SBDS: variants seen among roughly 807,000 people sequenced by gnomAD.
SBDS encodes the protein ribosome maturation protein SBDS.
A neutral mutation model predicts 26.4 loss-of-function variants in SBDS; 20 were observed. That is an observed-to-expected ratio of 0.76 (90% confidence interval 0.53 to 1.10). The LOEUF is 1.10. SBDS is among the 50% of genes least tolerant of loss of function. The pLI, the probability that SBDS is intolerant of heterozygous loss-of-function variation, is 0.00. For synonymous variants in SBDS, 95 were observed against 105.1 expected (o/e 0.90, Z 0.59); for missense variants, 241 against 302.0 (o/e 0.80, Z 1.50).
At chr7:66,989,391 C>CAA (rs1436091395) in intron 4 of SBDS, among the ~76,000 whole-genome samples, 1 of 150,832 alleles carries the variant, frequency 6.6e-6, no homozygotes, top group Non-Finnish European at 1.5e-5. Context: ...ACTAAAAATA[C>CAA]AAAATTAGCT....
intron 3 of SBDS, 33 bp from the exon 4 acceptor site, chr7:66,991,334 C>T (rs751627056): frequency 1.3e-6 from 2 of 1,539,342 alleles, no homozygotes; most frequent in South Asian, 1.1e-5. Flanking sequence ...GCAATTTCTT[C>T]TACTATATTA....
intron 4 of SBDS, 196 bp downstream of exon 4, chr7:66,990,941 C>T (rs111406263): frequency 1.1e-4 from 51 of 476,258 alleles, no homozygotes; most frequent in African/African-American, 5.6e-4. Context: ...GGCGTGTACC[C>T]GGGAGGCGGA....
At chr7:66,994,528 G>C (rs190822487) in intron 1 of SBDS, among the ~76,000 whole-genome samples, 187 bp from the exon 2 acceptor site, 1 of 149,294 alleles carries the variant, frequency 6.7e-6, no homozygotes, top group African/African-American at 2.4e-5. Flanking sequence ...GAATTTCACT[G>C]TTTTTGCCCA....
At chr7:66,988,602 CTAA>C (rs1427543488) in intron 4 of SBDS, 103 bp from the exon 5 acceptor site, 10 of 1,316,660 alleles carry the variant, frequency 7.6e-6, no homozygotes, top group South Asian at 3.6e-5. Flanking sequence ...GTCCAGATCT[CTAA>C]TAATACCACA....
intron 4 of SBDS, among the ~76,000 whole-genome samples, chr7:66,989,658 C>A (rs1562954078): frequency 6.6e-6 from 1 of 151,756 alleles, no homozygotes; most frequent in Admixed American, 6.6e-5. Context: ...GTCATAAGGA[C>A]ATAATGGTTT....
chr7:66,993,251 T>C lies in SBDS; in HGVS notation c.425A>G (p.Tyr142Cys). The change falls in exon 3 of 5, where the codon TAT (tyrosine) becomes TGT (cysteine). Residue 142 changes from tyrosine to cysteine, a missense_variant. Physicochemically the swap from Tyr to Cys is radical, Grantham distance 194. Coordinates refer to ENST00000246868, the MANE Select transcript of SBDS (RefSeq NM_016038.4). ...TGTACTCTTGTTGGTTTTCACCGAA[T>C]AGTGGATGTCCTTCATGGCTCTCTC... is the stretch of plus-strand genomic sequence containing the variant. Reference protein sequence around the residue: ...LIERAMKDIHYSVKTNKSTKQ... With the variant: ...LIERAMKDIHCSVKTNKSTKQ... 3 of 1,614,196 alleles carry C rather than the reference T, an allele frequency of 1.9e-6. No individual in the cohort carries two copies. The highest frequency in any genetic ancestry group is 2.5e-6 in the Non-Finnish European group (3 of 1,180,040).
At chr7:66,995,054 C>G (rs1426512568) in intron 1 of SBDS, 6 of 583,682 alleles carry the variant, frequency 1.0e-5, no homozygotes, top group South Asian at 2.0e-5. Flanking sequence ...TTTTATGACA[C>G]CAACAAAACA....
chr7:66,995,070 C>G (rs1261934047), intron 1 of SBDS: 1 of 615,284 alleles, frequency 1.6e-6, no homozygotes, highest in Non-Finnish European at 2.8e-6. Flanking sequence ...AAACAAAACC[C>G]CAAACCAACA....
chr7:66,992,708 TA>T (rs2129232090), intron 3 of SBDS, among the ~76,000 whole-genome samples: 1 of 152,176 alleles, frequency 6.6e-6, no homozygotes, highest in Admixed American at 6.6e-5. Flanking sequence ...TTTAATTTTT[TA>T]TATTAAAAAA....
rs777402616 is a variant in SBDS, at chr7:66,994,279, T to C, written c.191A>G (p.Gln64Arg). The change falls in exon 2 of 5, where the codon CAG becomes CGG. Residue 64 changes from glutamine to arginine, a missense_variant. By Grantham distance (43) the Gln-to-Arg change is conservative (BLOSUM62 1). Coordinates refer to ENST00000246868, the MANE Select transcript of SBDS (RefSeq NM_016038.4). ...GATGAGATCTTCCTTTTTGGCAACC[T>C]GACCTTTAGAAACATTTACAAACAC... ...HSVFVNVSKGQVAKKEDLISA... is the reference protein window; with the variant it reads ...HSVFVNVSKGRVAKKEDLISA... The C allele has an allele frequency of 1.2e-6, 2 of 1,614,120 alleles. No homozygotes were observed. The highest frequency in any genetic ancestry group is 1.1e-5 in the South Asian group (1 of 91,088).
rs1009037678 is a variant in SBDS, at chr7:66,995,310, G to A, written c.108C>T (p.Val36=). The change falls in exon 1 of 5, where the codon GTC becomes GTT. Residue 36 remains valine, a synonymous_variant. Transcript: ENST00000246868. ...RFEIACYKNK[V]VGWRSGVEKD... is the part of the protein sequence containing the mutation. ...CTCACACGCCGCTCCGCCAGCCGAC[G>A]ACCTTGTTTTTGTAGCAGGCGATTT... 1.2e-5 allele frequency: 19 copies of A among 1,613,880 alleles called. No homozygotes were observed. In the Admixed American group the frequency reaches 2.0e-4, roughly 17 times the overall value.
intron 4 of SBDS, among the ~76,000 whole-genome samples, chr7:66,989,871 T>TTTAACTTAATTTTCATCTCTTTAAAC (rs577314624): frequency 0.03 from 4,621 of 152,150 alleles, 103 homozygotes; most frequent in Non-Finnish European, 0.046. Context: ...TTAAACCATT[T>TTTAACTTAATTTTCATCTCTTTAAAC]TTAATTTTCA....
chr7:66,994,511 C>CCCCCGCCCT, intron 1 of SBDS, 170 bp from the exon 2 acceptor site: 1 of 656,790 alleles, frequency 1.5e-6, no homozygotes, highest in East Asian at 3.4e-5. Flanking sequence ...ACCCCCGCCC[C>CCCCCGCCCT]TAGATGGAAT....
At chr7:66,990,020 C>CTT (rs71293171) in intron 4 of SBDS, among the ~76,000 whole-genome samples, 98 of 141,408 alleles carry the variant, frequency 6.9e-4, no homozygotes, top group South Asian at 4.0e-3. Context: ...AGAATTCAAT[C>CTT]TTTTTTTTTT....
chr7:66,990,987 A>G (rs2129231711), intron 4 of SBDS, 150 bp downstream of exon 4: 1 of 683,450 alleles, frequency 1.5e-6, no homozygotes, highest in Non-Finnish European at 2.3e-6. Flanking sequence ...ACTGCACTCC[A>G]GCCTGGGCAA....
chr7:66,988,309 G>C lies in SBDS; in HGVS notation c.*62C>G. ...CAAGTATTTGGCAGACCACAGACAT[G>C]AAACAGTGCCGTCGGAAACGGAAAC... On this transcript the variant is annotated 3_prime_UTR_variant, in exon 5 of 5. Transcript: ENST00000246868. 1.3e-6 allele frequency: 2 copies of C among 1,582,156 alleles called. No homozygotes were observed. Among genetic ancestry groups the C allele is most frequent in the Non-Finnish European group, 8.6e-7 (1 of 1,158,186 alleles).
At chr7:66,994,459 G>A in intron 1 of SBDS, 118 bp from the exon 2 acceptor site, 1 of 937,146 alleles carries the variant, frequency 1.1e-6, no homozygotes, top group South Asian at 1.3e-5. Flanking sequence ...TCCCCCTGAT[G>A]ACCTTTAGTG....
intron 1 of SBDS, among the ~76,000 whole-genome samples, chr7:66,994,669 T>C (rs918947674): frequency 1.3e-5 from 2 of 152,156 alleles, no homozygotes; most frequent in African/African-American, 2.4e-5. Context: ...TAACTTTGTA[T>C]TTTTAGTAGA....
intron 3 of SBDS, 24 bp downstream of exon 3, chr7:66,993,193 T>C (rs1440806062): frequency 6.3e-7 from 1 of 1,598,900 alleles, no homozygotes; most frequent in South Asian, 1.1e-5. Flanking sequence ...TGGCTATATT[T>C]TGATGACATG....
Sources: allele counts gnomAD v4.1 joint callset (sites outside exome capture counted in the v4.1 genomes callset), GRCh38; gene constraint gnomAD v4.1.1; transcripts MANE v1.5; gene names NCBI Gene and HGNC (gene_info 2026-07-23, HGNC 2026-07-21).